NAV3: variants seen among roughly 807,000 people sequenced by gnomAD.
NAV3 encodes pore membrane and/or filament interacting like protein 1.
A neutral mutation model predicts 244.7 loss-of-function variants in NAV3; 87 were observed. The observed-to-expected ratio is 0.36, with a 90% CI of 0.30 to 0.42. NAV3 has a LOEUF of 0.42. Among genes scored for constraint, NAV3 ranks in the 20% least tolerant of loss-of-function variants. The probability of loss-of-function intolerance (pLI) is 1.00; values close to 1 mark genes in which losing one functional copy is unlikely to be tolerated. For synonymous variants in NAV3, 1,126 were observed against 1,042.2 expected (o/e 1.08, Z -1.55); for missense variants, 2,663 against 2,893.3 (o/e 0.92, Z 1.83).
At chr12:77,786,646 G>A (rs34120634) in intron 2 of NAV3, among the ~76,000 whole-genome samples, 159 of 152,246 alleles carry the variant, frequency 1.0e-3, no homozygotes, top group Non-Finnish European at 2.0e-3. Context: ...CTTGAAAAAG[G>A]TATTCTTAAA....
chr12:77,751,537 C>T (rs1003639872), intron 2 of NAV3, among the ~76,000 whole-genome samples: 2 of 152,184 alleles, frequency 1.3e-5, no homozygotes, highest in African/African-American at 4.8e-5. Flanking sequence ...CTTTTACTCA[C>T]TCACTTTCCT....
At chr12:77,828,690 T>C (rs1215795881), upstream of NAV3, among the ~76,000 whole-genome samples, 1 of 152,176 alleles carries the variant, frequency 6.6e-6, no homozygotes, top group Non-Finnish European at 1.5e-5. Flanking sequence ...CTTTTGGTGG[T>C]AGATATTACT....
chr12:77,981,953 T>C (rs1869644724), intron 5 of NAV3, among the ~76,000 whole-genome samples: 1 of 152,136 alleles, frequency 6.6e-6, no homozygotes, highest in African/African-American at 2.4e-5. Flanking sequence ...ACTCCAAGAC[T>C]GAGGGTAAAT....
intron 2 of NAV3, among the ~76,000 whole-genome samples, chr12:77,602,885 T>G (rs1450677066): frequency 1.3e-5 from 2 of 152,032 alleles, no homozygotes; most frequent in African/African-American, 4.8e-5. Context: ...AAAGACCCCA[T>G]GCAACAGGGA....
intron 38 of NAV3, 38 bp from the exon 39 acceptor site, chr12:78,204,897 C>A: frequency 6.3e-7 from 1 of 1,587,484 alleles, no homozygotes; most frequent in South Asian, 1.1e-5. Context: ...AATAGAAATG[C>A]ATTTTATATA....
chr12:77,935,135 C>T (rs770193941), intron 1 of NAV3, among the ~76,000 whole-genome samples: 11 of 152,060 alleles, frequency 7.2e-5, no homozygotes, highest in Non-Finnish European at 1.6e-4. Flanking sequence ...TTATAAAATA[C>T]TAACCAAATG....
intron 2 of NAV3, among the ~76,000 whole-genome samples, chr12:77,626,240 T>C (rs922512176): frequency 8.1e-5 from 12 of 148,142 alleles, no homozygotes; most frequent in African/African-American, 2.6e-4. Flanking sequence ...TGAAATAATC[T>C]AGTCAGACCA....
At chr12:77,753,954 C>T (rs1025181854) in intron 2 of NAV3, among the ~76,000 whole-genome samples, 1 of 152,054 alleles carries the variant, frequency 6.6e-6, no homozygotes, top group Non-Finnish European at 1.5e-5. Flanking sequence ...ACCTTTAGTG[C>T]AATTAAATGT....
At chr12:77,821,130 C>T (rs1872728258) in intron 2 of NAV3, among the ~76,000 whole-genome samples, 1 of 151,682 alleles carries the variant, frequency 6.6e-6, no homozygotes, top group African/African-American at 2.4e-5. Flanking sequence ...TTGAAATATC[C>T]TCAGAGTTCC....
chr12:78,179,021 A>G (rs1442549765), intron 28 of NAV3, among the ~76,000 whole-genome samples: 1 of 152,102 alleles, frequency 6.6e-6, no homozygotes, highest in Non-Finnish European at 1.5e-5. Context: ...AATATCTCTA[A>G]TTTATTTTCT....
intron 2 of NAV3, among the ~76,000 whole-genome samples, chr12:77,691,355 A>ATATATATAT (rs1491582943): frequency 7.3e-6 from 1 of 137,410 alleles, no homozygotes; most frequent in African/African-American, 2.7e-5. Context: ...ATATATATAT[A>ATATATATAT]CATATCCATT....
chr12:77,653,135 G>C (rs1872904591), intron 2 of NAV3, among the ~76,000 whole-genome samples: 1 of 152,164 alleles, frequency 6.6e-6, no homozygotes. Flanking sequence ...ATGCAACATA[G>C]CAAAAGCTGA....
chr12:77,611,309 T>C (rs879820495), intron 2 of NAV3, among the ~76,000 whole-genome samples: 10 of 151,966 alleles, frequency 6.6e-5, no homozygotes, highest in Non-Finnish European at 1.2e-4. Context: ...AAGCTTTTCC[T>C]TGAGTTGGAA....
Position 77,831,525 on chromosome 12 carries a change from A to G in NAV3, c.64A>G (p.Thr22Ala), listed in dbSNP as rs1407905760. Residue 22 changes from threonine to alanine, a missense_variant, in exon 1 of 40, where the codon ACT (threonine) becomes GCT (alanine). Thr to Ala is a moderately conservative substitution (Grantham distance 58). Coordinates refer to ENST00000397909, the MANE Select transcript of NAV3 (RefSeq NM_001024383.2). The part of the protein sequence containing the change: ...QPAVGSKPVH[T>A]ALPIPNLGTT... ...AGCTGTTGGGTCAAAGCCTGTGCAT[A>G]CTGCTCTTCCGATACCAAATCTTGG... is the stretch of plus-strand genomic sequence containing the variant. The G allele has an allele frequency of 6.2e-7, 1 of 1,613,904 alleles. No individual in the cohort carries two copies. The highest frequency in any genetic ancestry group is 8.5e-7 in the Non-Finnish European group (1 of 1,179,980).
intron 2 of NAV3, among the ~76,000 whole-genome samples, chr12:77,724,508 G>A (rs1181474193): frequency 6.6e-6 from 1 of 151,782 alleles, no homozygotes; most frequent in Non-Finnish European, 1.5e-5. Flanking sequence ...TAATATTTGC[G>A]ATATCCTTCC....
intron 2 of NAV3, among the ~76,000 whole-genome samples, chr12:77,765,632 A>G (rs1057490125): frequency 1.3e-5 from 2 of 152,218 alleles, no homozygotes; most frequent in Non-Finnish European, 2.9e-5. Context: ...AACAGGAAGT[A>G]TTAGAGAACA....
chr12:78,041,014 T>C (rs549490740), intron 9 of NAV3, among the ~76,000 whole-genome samples: 10 of 152,342 alleles, frequency 6.6e-5, no homozygotes, highest in Non-Finnish European at 1.3e-4. Flanking sequence ...GATAGAATTC[T>C]TTATAGCCAT....
At chr12:78,178,866 CA>C (rs1375593526) in intron 28 of NAV3, among the ~76,000 whole-genome samples, 8 of 152,238 alleles carry the variant, frequency 5.3e-5, no homozygotes, top group African/African-American at 1.7e-4. Context: ...AAAAACACAA[CA>C]AGGATACAAT....
chr12:77,588,363 C>T (rs1245467331), intron 2 of NAV3, among the ~76,000 whole-genome samples: 1 of 152,084 alleles, frequency 6.6e-6, no homozygotes, highest in East Asian at 1.9e-4. Flanking sequence ...AAGTGATCAT[C>T]CTGCCTTGGC....
Sources: allele counts gnomAD v4.1 joint callset (sites outside exome capture counted in the v4.1 genomes callset), GRCh38; gene constraint gnomAD v4.1.1; transcripts MANE v1.5; gene names NCBI Gene and HGNC (gene_info 2026-07-23, HGNC 2026-07-21).